Variants in CDKN2B-AS1 observed in about 807,000 individuals in gnomAD.
The protein encoded by CDKN2B-AS1 is CDKN2B antisense RNA 1 (non-protein coding).
At chr9:22,036,338 T>C (rs965361419) in intron 1 of CDKN2B-AS1, among the ~76,000 whole-genome samples, 1 of 152,104 alleles carries the variant, frequency 6.6e-6, no homozygotes, top group Non-Finnish European at 1.5e-5. Context: ...CTTTACACAC[T>C]ACATTTGAAT....
In CDKN2B-AS1 at chr9:22,036,185, T is replaced by A. The variant is rs76190708; in HGVS notation, n.30-10566T>A. 2.6e-3 allele frequency among the ~76,000 whole-genome samples: 392 copies of A among 152,272 alleles called. 3 individuals carry two copies. The highest frequency in any genetic ancestry group is 9.0e-3 in the African/African-American group (375 of 41,564). On this transcript the variant is annotated intron_variant and non_coding_transcript_variant, in intron 1 of 4. Coordinates refer to ENST00000650946, the Ensembl canonical transcript of CDKN2B-AS1. ...ATAAAACGTGGGTCAAAATTCACTT[T>A]TCTCCTTTTGAATTGAAATTATATT...
intron 4 of CDKN2B-AS1, among the ~76,000 whole-genome samples, chr9:22,090,773 G>A (rs1587517417): frequency 6.6e-6 from 1 of 152,184 alleles, no homozygotes; most frequent in South Asian, 2.1e-4. Flanking sequence ...CCATTCTGTA[G>A]GTTGGCTGTT....
intron 4 of CDKN2B-AS1, among the ~76,000 whole-genome samples, chr9:22,110,281 G>A (rs1825771542): frequency 6.6e-6 from 1 of 152,122 alleles, no homozygotes; most frequent in Admixed American, 6.6e-5. Context: ...CTGGGTGCCT[G>A]TTATTTAACC....
intron 4 of CDKN2B-AS1, among the ~76,000 whole-genome samples, chr9:22,108,661 G>T (rs1825723028): frequency 2.0e-5 from 3 of 152,102 alleles, no homozygotes; most frequent in African/African-American, 4.8e-5. Context: ...CATTTACAAA[G>T]AAACAAATTT....
At chr9:22,122,943 G>A (rs1431837451) in intron 4 of CDKN2B-AS1, among the ~76,000 whole-genome samples, 1 of 152,062 alleles carries the variant, frequency 6.6e-6, no homozygotes, top group Non-Finnish European at 1.5e-5. Context: ...AACGTCATTA[G>A]TATTTTGATA....
chr9:22,004,207 C>G (rs189152764), intron 1 of CDKN2B-AS1: 1 of 232,424 alleles, frequency 4.3e-6, no homozygotes, highest in East Asian at 6.1e-5. Context: ...CTAACTTTCC[C>G]CAGTAATATG....
intron 4 of CDKN2B-AS1, among the ~76,000 whole-genome samples, chr9:22,059,981 G>A (rs971099048): frequency 1.6e-4 from 25 of 152,148 alleles, no homozygotes; most frequent in African/African-American, 5.8e-4. Flanking sequence ...ATGGCGCAGG[G>A]ACCCTGGGTC....
intron 4 of CDKN2B-AS1, among the ~76,000 whole-genome samples, chr9:22,059,251 G>T (rs1192524724): frequency 6.6e-6 from 1 of 152,200 alleles, no homozygotes; most frequent in East Asian, 1.9e-4. Context: ...CTATGAGCCT[G>T]TAAAATCAAA....
chr9:22,102,113 A>T (rs1801338486), intron 4 of CDKN2B-AS1, among the ~76,000 whole-genome samples: 1 of 152,182 alleles, frequency 6.6e-6, no homozygotes, highest in African/African-American at 2.4e-5. Context: ...TTTGATAAAA[A>T]TGGGAAGATT....
chr9:21,998,352 C>T (rs1820776802), intron 1 of CDKN2B-AS1, among the ~76,000 whole-genome samples: 1 of 152,208 alleles, frequency 6.6e-6, no homozygotes. Context: ...TTTATCCTCA[C>T]AGTGGCCTTT....
At position 22,126,574 on chromosome 9, in the gene CDKN2B-AS1, C is replaced by CTTTTTTTTTTTT. The variant is rs34700018; in HGVS notation, n.439-519_439-508dup. On this transcript the variant is annotated intron_variant and non_coding_transcript_variant, in intron 4 of 4. Transcript: ENST00000650946. ...TGAATGGGGATGGAGTAAGTGGATT[C>CTTTTTTTTTTTT]TTTTTTTTTTTTTTTTTTTTTGAGA... Among the ~76,000 whole-genome samples, 102 of 104,882 alleles carry CTTTTTTTTTTTT rather than the reference C, an allele frequency of 9.7e-4. 2 individuals are homozygous for CTTTTTTTTTTTT. Among genetic ancestry groups the CTTTTTTTTTTTT allele is most frequent in the African/African-American group, 3.8e-3 (96 of 25,254 alleles). 68.8% of individuals were successfully genotyped at this position (104,882 alleles called of 152,430 possible).
At chr9:22,012,264 C>A in intron 1 of CDKN2B-AS1, 1 of 1,445,902 alleles carries the variant, frequency 6.9e-7, no homozygotes, top group Non-Finnish European at 9.7e-7. Context: ...GAGGGTATCC[C>A]CCCTGACAAG....
At chr9:22,007,428 C>G (rs898673869) in intron 1 of CDKN2B-AS1, among the ~76,000 whole-genome samples, 1 of 152,116 alleles carries the variant, frequency 6.6e-6, no homozygotes, top group Non-Finnish European at 1.5e-5. Flanking sequence ...TGATGCATAA[C>G]TTAGAAAAAA....
At position 22,006,003 on chromosome 9, in the gene CDKN2B-AS1, G is replaced by A. The variant is rs779934422; in HGVS notation, n.29+10842G>A. 10 of 1,603,042 alleles carry A rather than the reference G, an allele frequency of 6.2e-6. No individual in the cohort carries two copies. The South Asian group carries it at 7.7e-5, about 12-fold the overall frequency. ...AACCTGGCGTCAGTCCCCCGTGGCT[G>A]TGCGCAGGTACCCTGCAACGTCGCG... On this transcript the variant is annotated intron_variant and non_coding_transcript_variant, in intron 1 of 4. Transcript: ENST00000650946. The surrounding 1 kb of genome is among the most constrained non-coding windows in gnomAD (Gnocchi z 6.4).
intron 4 of CDKN2B-AS1, among the ~76,000 whole-genome samples, chr9:22,085,629 G>C (rs897660465): frequency 6.6e-6 from 1 of 151,632 alleles, no homozygotes; most frequent in Non-Finnish European, 1.5e-5. Context: ...GCTGAGGCAG[G>C]AGAATGGCGT....
At chr9:22,015,278 CCTGA>C (rs932567990) in intron 1 of CDKN2B-AS1, among the ~76,000 whole-genome samples, 85 of 152,236 alleles carry the variant, frequency 5.6e-4, no homozygotes, top group African/African-American at 1.9e-3. Context: ...CCTGTTTTTT[CCTGA>C]CTTTTTTTTT....
chr9:22,081,692 T>C (rs1464525069), intron 4 of CDKN2B-AS1, among the ~76,000 whole-genome samples: 1 of 152,206 alleles, frequency 6.6e-6, no homozygotes, highest in Non-Finnish European at 1.5e-5. Context: ...CCTAGGAAGC[T>C]TGTCTATTAG....
intron 4 of CDKN2B-AS1, among the ~76,000 whole-genome samples, chr9:22,057,273 G>A (rs1359354496): frequency 6.6e-6 from 1 of 151,970 alleles, no homozygotes; most frequent in Non-Finnish European, 1.5e-5. Flanking sequence ...CTTCCAAAAG[G>A]CCTTCACATT....
At chr9:22,017,562 A>G (rs1159014999) in intron 1 of CDKN2B-AS1, among the ~76,000 whole-genome samples, 1 of 152,142 alleles carries the variant, frequency 6.6e-6, no homozygotes, top group African/African-American at 2.4e-5. Context: ...TTCTTGAATA[A>G]AGTTATTATA....
Sources: gnomAD v4.1 joint callset for allele counts (sites outside exome capture counted in the v4.1 genomes callset) on GRCh38, gnomAD v4.1.1 for gene constraint, Gnocchi (gnomAD v3.1) non-coding constraint, MANE v1.5 for transcripts, NCBI Gene and HGNC (gene_info 2026-07-23, HGNC 2026-07-21) for gene names.